EDIL3: variants seen among roughly 807,000 people sequenced by gnomAD.
EDIL3 encodes the protein EGF like and discoidin domains 3, also known as EGF-like repeat and discoidin I-like domain-containing protein 3.
EDIL3 carries 37 observed loss-of-function variants against 67.4 expected under a neutral mutation model. The ratio of observed to expected loss-of-function variants is 0.55; its 90% CI spans 0.42 to 0.72. The LOEUF is 0.72. Ranked by LOEUF, EDIL3 falls within the 30% of genes least tolerant of loss-of-function variation. The pLI, the probability that EDIL3 is intolerant of heterozygous loss-of-function variation, is 0.00. For synonymous variants in EDIL3, 195 were observed against 196.3 expected (o/e 0.99, Z 0.05); for missense variants, 527 against 586.3 (o/e 0.90, Z 1.04).
At chr5:84,183,047 TCTC>T (rs1201260265) in intron 3 of EDIL3, among the ~76,000 whole-genome samples, 1 of 152,146 alleles carries the variant, frequency 6.6e-6, no homozygotes, top group Non-Finnish European at 1.5e-5. Flanking sequence ...TATCTCTCCT[TCTC>T]CTCTCTCTGT....
chr5:84,094,383 G>C (rs1047131582), intron 6 of EDIL3, among the ~76,000 whole-genome samples: 2 of 152,058 alleles, frequency 1.3e-5, no homozygotes, highest in African/African-American at 4.8e-5. Flanking sequence ...ATATAGTTTA[G>C]TATATATTGG....
chr5:84,048,654 A>C (rs1391206518), intron 9 of EDIL3, among the ~76,000 whole-genome samples: 3 of 151,940 alleles, frequency 2.0e-5, no homozygotes, highest in Non-Finnish European at 2.9e-5. Context: ...ATATTATGTT[A>C]CCCTTTATGA....
intron 4 of EDIL3, among the ~76,000 whole-genome samples, chr5:84,154,578 AT>A (rs199905974): frequency 0.02 from 2,796 of 142,426 alleles, 82 homozygotes; most frequent in African/African-American, 0.066. Flanking sequence ...GGAATATTTA[AT>A]TTTTTTTTTT....
chr5:84,204,502 A>T, intron 3 of EDIL3, among the ~76,000 whole-genome samples: 1 of 152,240 alleles, frequency 6.6e-6, no homozygotes, highest in East Asian at 1.9e-4. Context: ...TTTAAATAAA[A>T]ATTTATTTCA....
At chr5:84,249,040 A>G (rs987308153) in intron 2 of EDIL3, among the ~76,000 whole-genome samples, 1 of 152,128 alleles carries the variant, frequency 6.6e-6, no homozygotes, top group Non-Finnish European at 1.5e-5. Flanking sequence ...CAAACTCTAG[A>G]GTATCTGCCA....
intron 3 of EDIL3, among the ~76,000 whole-genome samples, chr5:84,210,783 A>G (rs1228065948): frequency 2.0e-5 from 3 of 152,218 alleles, no homozygotes; most frequent in African/African-American, 7.2e-5. Context: ...CGAATAGACT[A>G]TGATTTCATC....
At chr5:84,086,551 C>A (rs1300344269) in intron 6 of EDIL3, among the ~76,000 whole-genome samples, 1 of 152,168 alleles carries the variant, frequency 6.6e-6, no homozygotes, top group Non-Finnish European at 1.5e-5. Context: ...CAACTACCTT[C>A]TGTGTTGGTC....
chr5:84,272,046 G>A (rs998128503), intron 1 of EDIL3, among the ~76,000 whole-genome samples: 12 of 152,162 alleles, frequency 7.9e-5, no homozygotes, highest in Admixed American at 2.0e-4. Context: ...AAAATGTGGA[G>A]TTAAAGCTCA....
intron 2 of EDIL3, among the ~76,000 whole-genome samples, chr5:84,236,599 A>C (rs1224133888): frequency 6.6e-6 from 1 of 152,124 alleles, no homozygotes; most frequent in Non-Finnish European, 1.5e-5. Flanking sequence ...AGCCAGTTCT[A>C]AACAGAATGG....
chr5:84,254,889 T>C (rs1745097331), intron 1 of EDIL3, among the ~76,000 whole-genome samples: 1 of 152,138 alleles, frequency 6.6e-6, no homozygotes, highest in South Asian at 2.1e-4. Context: ...GGGTGGCAGA[T>C]AGTATCTGGA....
chr5:84,005,882 T>C (rs945504270), intron 9 of EDIL3, among the ~76,000 whole-genome samples: 3 of 151,858 alleles, frequency 2.0e-5, no homozygotes, highest in African/African-American at 7.3e-5. Flanking sequence ...AGTTAAACTA[T>C]CTCTCCTCGC....
chr5:84,215,805 G>C (rs1744216090), intron 3 of EDIL3, among the ~76,000 whole-genome samples: 1 of 152,178 alleles, frequency 6.6e-6, no homozygotes, highest in African/African-American at 2.4e-5. Flanking sequence ...GTTTGTGTTT[G>C]CTTTATAGAA....
Position 84,322,886 on chromosome 5 carries a change from ACAGAC to A in EDIL3, c.67+61417_67+61421del, listed in dbSNP as rs1297712700. Among the ~76,000 whole-genome samples the A allele has an allele frequency of 2.0e-5, 3 of 152,186 alleles. No homozygotes were observed. In the East Asian group the frequency reaches 5.8e-4, roughly 29 times the overall value. Reference sequence around the variant, plus strand: ...CAGCAGATTTCTCATCAGAAACTATACAGACCAGAAGGCAGTGGGCGATATATTGA... The same window carrying A: ...CAGCAGATTTCTCATCAGAAACTATACAGAAGGCAGTGGGCGATATATTGA... On this transcript the variant is annotated intron_variant, in intron 1 of 10. Transcript: ENST00000296591.
At chr5:84,264,468 TC>T (rs1745306240) in intron 1 of EDIL3, among the ~76,000 whole-genome samples, 1 of 152,120 alleles carries the variant, frequency 6.6e-6, no homozygotes, top group Non-Finnish European at 1.5e-5. Flanking sequence ...CCACTGTGTA[TC>T]TGGTCAGAGC....
intron 4 of EDIL3, among the ~76,000 whole-genome samples, chr5:84,171,674 A>G (rs573352904): frequency 6.6e-6 from 1 of 152,330 alleles, no homozygotes; most frequent in South Asian, 2.1e-4. Context: ...AACCTATCCC[A>G]AGCTTGGTTT....
At chr5:84,206,811 A>G (rs1301014450) in intron 3 of EDIL3, among the ~76,000 whole-genome samples, 3 of 152,178 alleles carry the variant, frequency 2.0e-5, no homozygotes, top group Non-Finnish European at 4.4e-5. Context: ...GATTATCTCA[A>G]TAGATGCAGA....
chr5:84,121,317 G>T (rs1490650785), intron 5 of EDIL3, among the ~76,000 whole-genome samples: 2 of 151,904 alleles, frequency 1.3e-5, no homozygotes, highest in Non-Finnish European at 2.9e-5. Flanking sequence ...GTGAATAAAT[G>T]GTATTAGTTA....
intron 9 of EDIL3, among the ~76,000 whole-genome samples, chr5:84,023,383 A>G (rs1377951847): frequency 6.6e-6 from 1 of 152,070 alleles, no homozygotes; most frequent in Non-Finnish European, 1.5e-5. Flanking sequence ...AGAGTAGTAC[A>G]CAAATTACCT....
intron 2 of EDIL3, among the ~76,000 whole-genome samples, chr5:84,252,456 T>C (rs1468275118): frequency 2.7e-5 from 3 of 112,252 alleles, no homozygotes; most frequent in South Asian, 2.9e-4. Flanking sequence ...ATCGTGCCAG[T>C]GCACCCCAGC....
Sources: allele counts gnomAD v4.1 joint callset (sites outside exome capture counted in the v4.1 genomes callset), GRCh38; gene constraint gnomAD v4.1.1; transcripts MANE v1.5; gene names NCBI Gene and HGNC (gene_info 2026-07-23, HGNC 2026-07-21).